Variants in SLC39A12 observed in about 807,000 individuals in gnomAD.
SLC39A12 encodes the protein solute carrier family 39 member 12, also known as zinc transporter ZIP12.
In SLC39A12, 63 loss-of-function variants were observed where a neutral mutation model predicts 71.1. That is an observed-to-expected ratio of 0.89 (90% CI 0.72 to 1.09). SLC39A12 has a LOEUF of 1.09. SLC39A12 is among the 50% of genes least tolerant of loss of function. The probability of loss-of-function intolerance (pLI) is 0.00; values close to 1 mark genes in which losing one functional copy is unlikely to be tolerated. For missense variants in SLC39A12, 892 were observed against 812.6 expected, an observed-to-expected ratio of 1.10 and a Z score of -1.19; for synonymous variants, 351 against 301.3, an observed-to-expected ratio of 1.16 and a Z score of -1.71.
intron 12 of SLC39A12, among the ~76,000 whole-genome samples, chr10:18,029,038 T>A (rs2497777): frequency 0.52 from 77,421 of 150,250 alleles, 20,563 homozygotes; most frequent in Non-Finnish European, 0.59. Context: ...TTTTTTTTTT[T>A]AATTTTTGTT....
At chr10:17,977,609 T>C (rs948510882) in intron 4 of SLC39A12, among the ~76,000 whole-genome samples, 2 of 152,298 alleles carry the variant, frequency 1.3e-5, no homozygotes, top group African/African-American at 4.8e-5. Context: ...AACAATTTGA[T>C]TGACTTAACT....
chr10:17,961,628 A>G lies in SLC39A12; in HGVS notation c.309A>G (p.Glu103=). 6.2e-7 allele frequency: 1 copy of G among 1,613,814 alleles called. No individual in the cohort carries two copies. Among genetic ancestry groups the G allele is most frequent in the Non-Finnish European group, 8.5e-7 (1 of 1,179,912 alleles). ...TACTAATAGCTGGAGGAAATTTTGAAGATCAGCTTAGAGAAGAAGTGGTCC... is the reference window on the plus strand; with the variant it reads ...TACTAATAGCTGGAGGAAATTTTGAGGATCAGCTTAGAGAAGAAGTGGTCC... ...ALLLIAGGNF[E]DQLREEVVQR... is the part of the protein sequence containing the mutation. The change falls in exon 3 of 13, where the codon GAA becomes GAG. Residue 103 remains glutamate, a synonymous_variant. Transcript: ENST00000377369.
chr10:18,036,794 A>ATATATATATATTT (rs1554855475), intron 12 of SLC39A12, among the ~76,000 whole-genome samples: 1 of 92,896 alleles, frequency 1.1e-5, no homozygotes, highest in Admixed American at 1.5e-4. Context: ...ATATATATAT[A>ATATATATATATTT]TTTTTTTTTT....
chr10:17,965,612 G>A lies in SLC39A12; in HGVS notation c.673G>A (p.Gly225Arg). The A allele has an allele frequency of 6.2e-7, 1 of 1,614,164 alleles. No homozygotes were observed. The highest frequency in any genetic ancestry group is 1.1e-5 in the South Asian group (1 of 91,082). The change falls in exon 4 of 13, where the codon GGA becomes AGA. Residue 225 changes from glycine (G) to arginine (R), a missense_variant. Gly to Arg is a moderately radical substitution (Grantham distance 125). Transcript: ENST00000377369. Reference sequence around the variant, plus strand: ...CCTCCAGGGTGTTTGTCTGGGACAAGGAAACTTGCCTTCCCCAGACTACTT... The same window carrying A: ...CCTCCAGGGTGTTTGTCTGGGACAAAGAAACTTGCCTTCCCCAGACTACTT... ...LSLQGVCLGQ[G>R]NLPSPDYFTE...
chr10:17,959,283 T>C (rs542274863), intron 2 of SLC39A12, among the ~76,000 whole-genome samples: 1 of 152,290 alleles, frequency 6.6e-6, no homozygotes, highest in African/African-American at 2.4e-5. Context: ...AGGTGGAGCC[T>C]AATATCCACA....
rs147299524 is a variant in SLC39A12, at chr10:17,958,212, G to A, written c.262-3369G>A. On this transcript the variant is annotated intron_variant, in intron 2 of 12. Coordinates refer to ENST00000377369, the MANE Select transcript of SLC39A12 (RefSeq NM_001145195.2). ...GAATGATGCATGGACAGGAGTCTCCGCATCTCAGATGGGTTGAAATATGGT... is the reference window on the plus strand; with the variant it reads ...GAATGATGCATGGACAGGAGTCTCCACATCTCAGATGGGTTGAAATATGGT... Among the ~76,000 whole-genome samples, 18 of 152,196 alleles carry A rather than the reference G, an allele frequency of 1.2e-4. 1 individual carries two copies. Among genetic ancestry groups the A allele is most frequent in the African/African-American group, 4.3e-4 (18 of 41,530 alleles).
intron 11 of SLC39A12, 73 bp from the exon 12 acceptor site, chr10:18,003,098 A>G (rs895187929): frequency 9.7e-5 from 135 of 1,388,352 alleles, no homozygotes; most frequent in Non-Finnish European, 2.0e-5. Context: ...CGAAATAGCT[A>G]ATAGTGCGTT....
chr10:17,965,520 TAG>T lies in SLC39A12; in HGVS notation c.582_583del (p.Val195GlufsTer3). 1 of 1,614,188 alleles carries T rather than the reference TAG, an allele frequency of 6.2e-7. No homozygotes were observed. The highest frequency in any genetic ancestry group is 8.5e-7 in the Non-Finnish European group (1 of 1,180,036). ...AAAACGCTGCAGAAAAAATCTGGAA[TAG>T]TGAGCAGTGAAGGTGCTAATGAAAG... is the stretch of plus-strand genomic sequence containing the variant. On this transcript the variant is annotated frameshift_variant, in exon 4 of 13. Transcript: ENST00000377369. LOFTEE classifies it high-confidence loss of function.
Position 17,987,524 on chromosome 10 carries a change from C to G in SLC39A12, c.1142C>G (p.Ser381Cys). The stretch of plus-strand genomic sequence containing the variant: ...GCTGTCACCCTTCTCACACTGGGCT[C>G]CATGCTGGGGACAGCGCTGGTCCTT... ...TVAVTLLTLG[S>C]MLGTALVLFH... Residue 381 changes from serine to cysteine, a missense_variant, in exon 7 of 13, where the codon TCC becomes TGC. Transcript: ENST00000377369. 6.2e-7 allele frequency: 1 copy of G among 1,614,000 alleles called. No individual in the cohort carries two copies. The highest frequency in any genetic ancestry group is 1.3e-5 in the African/African-American group (1 of 75,018).
chr10:17,977,874 G>T, intron 4 of SLC39A12, 28 bp from the exon 5 acceptor site: 1 of 1,540,596 alleles, frequency 6.5e-7, no homozygotes, highest in South Asian at 1.3e-5. Context: ...TATTCTATGT[G>T]ACACCAGATT....
chr10:17,988,452 C>T (rs1835460052), intron 7 of SLC39A12, among the ~76,000 whole-genome samples: 2 of 152,156 alleles, frequency 1.3e-5, no homozygotes, highest in Non-Finnish European at 2.9e-5. Flanking sequence ...TTGGAAGCTT[C>T]CTGAGGCCCA....
At chr10:17,974,031 AT>A (rs1835043214) in intron 4 of SLC39A12, among the ~76,000 whole-genome samples, 1 of 151,426 alleles carries the variant, frequency 6.6e-6, no homozygotes, top group African/African-American at 2.4e-5. Flanking sequence ...TGCCAGTTGC[AT>A]TTTTTAGCTC....
chr10:17,973,499 C>A (rs1835026959), intron 4 of SLC39A12, among the ~76,000 whole-genome samples: 1 of 152,114 alleles, frequency 6.6e-6, no homozygotes, highest in South Asian at 2.1e-4. Flanking sequence ...GATATTTTCA[C>A]AGGATATACT....
At chr10:18,015,628 C>T (rs1231539926) in intron 12 of SLC39A12, among the ~76,000 whole-genome samples, 1 of 94,896 alleles carries the variant, frequency 1.1e-5, no homozygotes, top group African/African-American at 4.8e-5. Context: ...TTAGTTTTTC[C>T]TTCTTTTTTA....
chr10:17,961,552 T>TTTG, intron 2 of SLC39A12, 29 bp from the exon 3 acceptor site: 3 of 1,580,626 alleles, frequency 1.9e-6, no homozygotes, highest in Non-Finnish European at 2.6e-6. Flanking sequence ...CTTTGTTTCT[T>TTTG]TTGTTGTTGT....
intron 4 of SLC39A12, among the ~76,000 whole-genome samples, chr10:17,975,518 T>A (rs1444339947): frequency 6.6e-6 from 1 of 152,198 alleles, no homozygotes; most frequent in African/African-American, 2.4e-5. Flanking sequence ...TGCCCCATCC[T>A]GCTGTGGCTG....
intron 3 of SLC39A12, among the ~76,000 whole-genome samples, chr10:17,964,304 T>C (rs952766141): frequency 5.3e-5 from 8 of 152,228 alleles, no homozygotes; most frequent in Admixed American, 4.6e-4. Context: ...AACTGATTCT[T>C]AGCCTTCCAC....
intron 12 of SLC39A12, among the ~76,000 whole-genome samples, chr10:18,036,724 C>T (rs1260803046): frequency 7.3e-6 from 1 of 137,154 alleles, no homozygotes; most frequent in Non-Finnish European, 1.5e-5. Context: ...TCATTGGCAT[C>T]TTGCAGTTAG....
chr10:17,958,108 C>T (rs952563906), intron 2 of SLC39A12, among the ~76,000 whole-genome samples: 6 of 152,172 alleles, frequency 3.9e-5, no homozygotes, highest in Non-Finnish European at 7.3e-5. Flanking sequence ...GATTATAGTG[C>T]GGACCCTGCT....
Sources: gnomAD v4.1 joint callset for allele counts (sites outside exome capture counted in the v4.1 genomes callset) on GRCh38, gnomAD v4.1.1 for gene constraint, MANE v1.5 for transcripts, NCBI Gene and HGNC (gene_info 2026-07-23, HGNC 2026-07-21) for gene names.